The following GRM5 variants were observed in gnomAD, a reference collection of about 807,000 sequenced individuals.
GRM5 encodes glutamate metabotropic receptor 5, also known as metabotropic glutamate receptor 5.
GRM5 carries 19 observed loss-of-function variants against 83.1 expected under a neutral mutation model. The ratio of observed to expected loss-of-function variants is 0.23; its 90% confidence interval spans 0.16 to 0.34. The LOEUF (loss-of-function observed/expected upper bound fraction) is 0.34, where lower values mean the gene tolerates loss of function less well. GRM5 is among the 10% of genes least tolerant of loss of function. GRM5 has a pLI of 1.00. For missense variants in GRM5, 1,160 were observed against 1,588.3 expected, an observed-to-expected ratio of 0.73 and a Z score of 4.58; for synonymous variants, 675 against 633.6, an observed-to-expected ratio of 1.07 and a Z score of -0.98.
intron 3 of GRM5, among the ~76,000 whole-genome samples, chr11:88,675,294 C>T (rs1419952588): frequency 1.3e-5 from 2 of 151,940 alleles, no homozygotes; most frequent in African/African-American, 2.4e-5. Context: ...TAGCACTTCA[C>T]TGGATTCATT....
At chr11:88,994,487 T>TATATA (rs1940109702) in intron 2 of GRM5, among the ~76,000 whole-genome samples, 3 of 102,110 alleles carry the variant, frequency 2.9e-5, no homozygotes, top group Non-Finnish European at 6.1e-5. Flanking sequence ...ATATATATAT[T>TATATA]ACAATTGCTG....
At chr11:89,053,281 C>T (rs893303688) in intron 1 of GRM5, among the ~76,000 whole-genome samples, 12 of 151,940 alleles carry the variant, frequency 7.9e-5, no homozygotes, top group Admixed American at 7.2e-4. Flanking sequence ...GATTATGAAG[C>T]CTAATCTGAT....
chr11:88,865,159 C>A (rs143943660), intron 2 of GRM5, among the ~76,000 whole-genome samples: 4,186 of 151,214 alleles, frequency 0.028, 200 homozygotes, highest in African/African-American at 0.095. Context: ...CAATGCTATC[C>A]CCATCAAGCT....
At chr11:89,043,135 C>T (rs1565348748) in intron 2 of GRM5, among the ~76,000 whole-genome samples, 1 of 152,134 alleles carries the variant, frequency 6.6e-6, no homozygotes, top group Admixed American at 6.6e-5. Flanking sequence ...TATCCACATA[C>T]TATATAGTCA....
rs1279272229 is a variant in GRM5, at chr11:88,563,951, A to G, written c.2630+3102T>C. Among the ~76,000 whole-genome samples the G allele has an allele frequency of 2.0e-5, 3 of 152,158 alleles. No homozygotes were observed. In the East Asian group the frequency reaches 5.8e-4, roughly 29 times the overall value. On this transcript the variant is annotated intron_variant, in intron 8 of 9. Transcript: ENST00000305447. Reference sequence around the variant, plus strand: ...GAAGAAATATTTAGTTTTGGAGCTCATGGAAGCCATAGAGGAAAGGAATTT... The same window carrying G: ...GAAGAAATATTTAGTTTTGGAGCTCGTGGAAGCCATAGAGGAAAGGAATTT...
chr11:88,776,844 T>C (rs1454912802), intron 3 of GRM5, among the ~76,000 whole-genome samples: 3 of 152,204 alleles, frequency 2.0e-5, no homozygotes, highest in Non-Finnish European at 4.4e-5. Flanking sequence ...GTGGGTAACT[T>C]GACCTTTCTC....
intron 3 of GRM5, among the ~76,000 whole-genome samples, chr11:88,728,962 C>G (rs1041120888): frequency 6.6e-6 from 1 of 152,096 alleles, no homozygotes; most frequent in South Asian, 2.1e-4. Context: ...AAAACCAGTA[C>G]AAGACAAGGA....
Position 88,605,245 on chromosome 11 carries a change from A to C in GRM5, c.1148-281T>G, listed in dbSNP as rs372612331. On this transcript the variant is annotated intron_variant, in intron 4 of 9. Coordinates refer to ENST00000305447, the MANE Select transcript of GRM5 (RefSeq NM_001143831.3). ...ACCAAACTCTAAGTATGAATGCAGG[A>C]TAGAACTGTATTTCTGTACCATAAA... Among the ~76,000 whole-genome samples, 10 of 152,256 alleles carry C rather than the reference A, an allele frequency of 6.6e-5. No individual in the cohort carries two copies. The East Asian group carries it at 1.9e-3, about 29-fold the overall frequency.
chr11:88,543,222 C>T (rs1454417964), intron 8 of GRM5, among the ~76,000 whole-genome samples: 3 of 152,170 alleles, frequency 2.0e-5, no homozygotes, highest in African/African-American at 2.4e-5. Flanking sequence ...ACTGCATAAG[C>T]GATAAGAGCT....
At chr11:88,666,644 T>C (rs529726132) in intron 3 of GRM5, among the ~76,000 whole-genome samples, 1 of 152,230 alleles carries the variant, frequency 6.6e-6, no homozygotes, top group South Asian at 2.1e-4. Context: ...CCACTTTGAG[T>C]TTTTATTTGG....
chr11:88,888,528 G>A (rs964725462), intron 2 of GRM5, among the ~76,000 whole-genome samples: 3 of 152,078 alleles, frequency 2.0e-5, no homozygotes, highest in Non-Finnish European at 4.4e-5. Flanking sequence ...TTCAACCTGG[G>A]AGAAGTTAAT....
At chr11:88,595,491 A>G (rs1937774830) in intron 6 of GRM5, among the ~76,000 whole-genome samples, 1 of 152,144 alleles carries the variant, frequency 6.6e-6, no homozygotes. Context: ...ATAAGTGAGA[A>G]CACGTGATGT....
intron 8 of GRM5, among the ~76,000 whole-genome samples, chr11:88,555,479 C>T (rs1490872519): frequency 6.6e-6 from 1 of 152,058 alleles, no homozygotes; most frequent in Non-Finnish European, 1.5e-5. Flanking sequence ...TTTTGCTTTT[C>T]AGTTACTGTT....
At chr11:88,647,156 C>G (rs967432258) in intron 4 of GRM5, among the ~76,000 whole-genome samples, 2 of 152,044 alleles carry the variant, frequency 1.3e-5, no homozygotes, top group African/African-American at 4.8e-5. Context: ...CTCTTCCCCT[C>G]TTTTTATAAA....
chr11:88,843,826 A>C (rs1438792694), intron 3 of GRM5, among the ~76,000 whole-genome samples: 1 of 152,242 alleles, frequency 6.6e-6, no homozygotes, highest in Non-Finnish European at 1.5e-5. Flanking sequence ...ATAGAAGATC[A>C]AGTCAGCCAC....
chr11:88,608,469 G>A (rs902554256), intron 4 of GRM5, among the ~76,000 whole-genome samples: 4 of 149,534 alleles, frequency 2.7e-5, no homozygotes, highest in African/African-American at 9.9e-5. Flanking sequence ...CTTATTGGCT[G>A]TCTCAAACAC....
At chr11:88,565,586 A>G (rs1339039032) in intron 8 of GRM5, among the ~76,000 whole-genome samples, 1 of 152,210 alleles carries the variant, frequency 6.6e-6, no homozygotes, top group African/African-American at 2.4e-5. Context: ...TGAAAAATAA[A>G]TTTTCTTAGC....
chr11:89,003,935 G>C (rs1940456918), intron 2 of GRM5, among the ~76,000 whole-genome samples: 1 of 152,104 alleles, frequency 6.6e-6, no homozygotes, highest in Admixed American at 6.6e-5. Context: ...AGGGAATATA[G>C]AGATATCCCA....
chr11:88,916,867 G>T (rs1443934213), intron 2 of GRM5, among the ~76,000 whole-genome samples: 2 of 152,154 alleles, frequency 1.3e-5, no homozygotes, highest in Non-Finnish European at 2.9e-5. Flanking sequence ...CTAGGACATA[G>T]CTCCCAGATG....
Sources: gnomAD v4.1 joint callset for allele counts (sites outside exome capture counted in the v4.1 genomes callset) on GRCh38, gnomAD v4.1.1 for gene constraint, MANE v1.5 for transcripts, NCBI Gene and HGNC (gene_info 2026-07-23, HGNC 2026-07-21) for gene names.